The following RERE variants were observed in gnomAD, a reference collection of about 807,000 sequenced individuals.
RERE encodes the protein arginine-glutamic acid dipeptide repeats protein.
Under a neutral mutation model 146.1 loss-of-function variants are expected in RERE, and 40 were observed. That is an observed-to-expected ratio of 0.27 (90% confidence interval 0.21 to 0.36). The LOEUF is 0.36. RERE is among the 10% of genes least tolerant of loss of function. RERE has a pLI of 1.00. For missense variants in RERE, 1,933 were observed against 2,138.7 expected (o/e 0.90, Z 1.90); for synonymous variants, 1,003 against 866.0 (o/e 1.16, Z -2.78).
intron 4 of RERE, among the ~76,000 whole-genome samples, chr1:8,575,015 T>G (rs1646273208): frequency 6.6e-6 from 1 of 152,202 alleles, no homozygotes; most frequent in Non-Finnish European, 1.5e-5. Flanking sequence ...CATATACACA[T>G]TAACACGTAT....
chr1:8,422,720 T>C lies in RERE; in HGVS notation c.1284+7A>G, dbSNP rs1329519893. On this transcript the variant is annotated splice_region_variant and intron_variant, in intron 12 of 22. Coordinates refer to ENST00000400908, the MANE Select transcript of RERE (RefSeq NM_001042681.2). Reference sequence around the variant, plus strand: ...AATCAAGTTACATAAAGTCCAATTGTACTCACTGTTTCCTTATTGGGAAGC... The same window carrying C: ...AATCAAGTTACATAAAGTCCAATTGCACTCACTGTTTCCTTATTGGGAAGC... 7 of 1,599,574 alleles carry C rather than the reference T, an allele frequency of 4.4e-6. No homozygotes were observed. The East Asian group carries it at 1.3e-4, about 31-fold the overall frequency.
At chr1:8,536,098 C>A (rs1375097107) in intron 7 of RERE, among the ~76,000 whole-genome samples, 2 of 142,022 alleles carry the variant, frequency 1.4e-5, no homozygotes, top group Non-Finnish European at 3.1e-5. Context: ...GAGCGAGACT[C>A]CATCTCAAAA....
At position 8,545,982 on chromosome 1, in the gene RERE, C is replaced by CTTTTTTTTTTTTTTTTTTTTTTTTT. The variant is rs3050828; in HGVS notation, c.726-4689_726-4665dup. ...ACAGGTGCAAGCTACCATACCCAGT[C>CTTTTTTTTTTTTTTTTTTTTTTTTT]TTTTTTTTTTTTTTTTTTTTTTTTT... is the stretch of plus-strand genomic sequence containing the variant. On this transcript the variant is annotated intron_variant, in intron 6 of 22. Coordinates refer to ENST00000400908, the MANE Select transcript of RERE (RefSeq NM_001042681.2). 1.6e-4 allele frequency among the ~76,000 whole-genome samples: 11 copies of CTTTTTTTTTTTTTTTTTTTTTTTTT among 69,480 alleles called. 3 individuals carry two copies. Among genetic ancestry groups the CTTTTTTTTTTTTTTTTTTTTTTTTT allele is most frequent in the African/African-American group, 6.6e-4 (11 of 16,700 alleles). 45.6% of individuals were successfully genotyped at this position (69,480 alleles called of 152,430 possible). A position where few individuals can be genotyped will look rare whatever the true frequency, so the allele number is the denominator to read the frequency against.
At chr1:8,582,869 T>C (rs1337412825) in intron 4 of RERE, among the ~76,000 whole-genome samples, 2 of 152,178 alleles carry the variant, frequency 1.3e-5, no homozygotes, top group Non-Finnish European at 2.9e-5. Context: ...TGATTTAAGA[T>C]GATAGGACCA....
At chr1:8,557,349 A>C (rs1005488501) in intron 5 of RERE, 69 bp downstream of exon 5, 7 of 1,038,390 alleles carry the variant, frequency 6.7e-6, no homozygotes, top group Non-Finnish European at 1.1e-5. Context: ...TCATTTAATG[A>C]AATGTCTTTA....
intron 12 of RERE, among the ~76,000 whole-genome samples, chr1:8,366,690 T>G (rs1194758042): frequency 6.6e-6 from 1 of 151,660 alleles, no homozygotes; most frequent in East Asian, 1.9e-4. Flanking sequence ...GATGCAAAGG[T>G]GAAATATCAC....
At chr1:8,718,958 T>C (rs185985984) in intron 1 of RERE, among the ~76,000 whole-genome samples, 95 of 152,310 alleles carry the variant, frequency 6.2e-4, no homozygotes, top group Admixed American at 1.2e-3. Flanking sequence ...CATCGACTTA[T>C]TGTAAAAACC....
chr1:8,515,232 C>T (rs929814132), intron 7 of RERE, among the ~76,000 whole-genome samples: 21 of 151,810 alleles, frequency 1.4e-4, no homozygotes, highest in Non-Finnish European at 1.8e-4. Flanking sequence ...CACGGTGGCA[C>T]GCACCTATAA....
At chr1:8,658,671 C>T (rs1292842289) in intron 1 of RERE, among the ~76,000 whole-genome samples, 3 of 151,698 alleles carry the variant, frequency 2.0e-5, no homozygotes, top group African/African-American at 4.8e-5. Flanking sequence ...TTAGGAGAAC[C>T]GCTTGAACCC....
At chr1:8,791,310 T>C (rs1641359683) in intron 1 of RERE, among the ~76,000 whole-genome samples, 1 of 152,234 alleles carries the variant, frequency 6.6e-6, no homozygotes, top group African/African-American at 2.4e-5. Flanking sequence ...GAGCATCATG[T>C]TTCTACTATT....
At chr1:8,463,029 G>A (rs1029903301) in intron 11 of RERE, among the ~76,000 whole-genome samples, 3 of 152,200 alleles carry the variant, frequency 2.0e-5, no homozygotes, top group African/African-American at 7.2e-5. Context: ...GTGAGAAAAT[G>A]TGGTAAATTT....
chr1:8,601,626 C>CCACCACACACA (rs1553119506), intron 4 of RERE, among the ~76,000 whole-genome samples: 3 of 94,914 alleles, frequency 3.2e-5, no homozygotes, highest in Non-Finnish European at 5.9e-5. Context: ...TCCAAGGTCA[C>CCACCACACACA]CACACACACA....
At chr1:8,508,589 C>T (rs367949675) in intron 8 of RERE, 38 bp downstream of exon 8, 12 of 1,515,812 alleles carry the variant, frequency 7.9e-6, no homozygotes, top group Admixed American at 1.7e-5. Context: ...TAATAAGAAA[C>T]AAAAACCTAT....
chr1:8,442,320 T>C (rs918890835), intron 11 of RERE, among the ~76,000 whole-genome samples: 4 of 149,646 alleles, frequency 2.7e-5, no homozygotes, highest in African/African-American at 9.9e-5. Context: ...AAGCAGACGT[T>C]GCACAGTGGA....
At chr1:8,490,027 C>T (rs1356056202) in intron 10 of RERE, among the ~76,000 whole-genome samples, 1 of 144,674 alleles carries the variant, frequency 6.9e-6, no homozygotes, top group African/African-American at 2.6e-5. Context: ...GCACTCTAGC[C>T]TGGGCGACAG....
At chr1:8,749,344 T>C (rs887685011) in intron 1 of RERE, among the ~76,000 whole-genome samples, 2 of 152,084 alleles carry the variant, frequency 1.3e-5, no homozygotes, top group African/African-American at 4.8e-5. Context: ...GGGAATTTAA[T>C]TGTAGATAAT....
rs527530552 is a variant in RERE at position 8,623,908 on chromosome 1, G to C, written c.396+402C>G. 3.3e-5 allele frequency among the ~76,000 whole-genome samples: 5 copies of C among 152,282 alleles called. No homozygotes were observed. In the East Asian group the frequency reaches 9.6e-4, roughly 29 times the overall value. On this transcript the variant is annotated intron_variant, in intron 3 of 22. Transcript: ENST00000400908. ...CACACCTGCCGAAATATTGAAGGAAGTGACAGGTTTCCACTGGAAACTATT... is the reference window on the plus strand; with the variant it reads ...CACACCTGCCGAAATATTGAAGGAACTGACAGGTTTCCACTGGAAACTATT...
intron 4 of RERE, among the ~76,000 whole-genome samples, chr1:8,606,072 G>A (rs1008851386): frequency 3.3e-5 from 5 of 151,800 alleles, no homozygotes; most frequent in Non-Finnish European, 7.4e-5. Flanking sequence ...AGTCTTGGCC[G>A]CCCAAAGTGT....
chr1:8,529,643 G>A (rs1002061525), intron 7 of RERE, among the ~76,000 whole-genome samples: 1 of 151,864 alleles, frequency 6.6e-6, no homozygotes. Context: ...GACACAAGGG[G>A]CAATGAATGA....
Sources: gnomAD v4.1 joint callset for allele counts (sites outside exome capture counted in the v4.1 genomes callset) on GRCh38, gnomAD v4.1.1 for gene constraint, MANE v1.5 for transcripts, NCBI Gene and HGNC (gene_info 2026-07-23, HGNC 2026-07-21) for gene names.